Variants in LRRTM4 observed in about 807,000 individuals in gnomAD.
The protein encoded by LRRTM4 is leucine rich repeat transmembrane neuronal 4.
LRRTM4 carries 25 observed loss-of-function variants against 47.6 expected under a neutral mutation model. The ratio of observed to expected loss-of-function variants is 0.53; its 90% CI spans 0.38 to 0.73. The LOEUF (loss-of-function observed/expected upper bound fraction) is 0.73. LRRTM4 is among the 30% of genes least tolerant of loss of function. The pLI is 0.00. For synonymous variants in LRRTM4, 311 were observed against 269.5 expected, an observed-to-expected ratio of 1.15 and a Z score of -1.51; for missense variants, 638 against 713.4, an observed-to-expected ratio of 0.89 and a Z score of 1.20.
In LRRTM4 at chr2:77,137,040, G is replaced by A. The variant is rs1558598842; in HGVS notation, c.1551+381278C>T. Among the ~76,000 whole-genome samples the A allele has an allele frequency of 2.6e-5, 4 of 151,892 alleles. 1 individual carries two copies. Among genetic ancestry groups the A allele is most frequent in the African/African-American group, 9.7e-5 (4 of 41,182 alleles). ...GTGACAGGGAGAATGGAACCAAGGT[G>A]GAAAACACTCTGCAAGATATTATCC... On this transcript the variant is annotated intron_variant, in intron 3 of 3. Transcript: ENST00000409884.
At chr2:77,032,664 G>A (rs1290910456) in intron 3 of LRRTM4, among the ~76,000 whole-genome samples, 1 of 152,056 alleles carries the variant, frequency 6.6e-6, no homozygotes, top group African/African-American at 2.4e-5. Context: ...ATTAATATAT[G>A]TTTTATAGTC....
At chr2:77,500,594 TCTC>T (rs1193385155) in intron 3 of LRRTM4, among the ~76,000 whole-genome samples, 1 of 151,604 alleles carries the variant, frequency 6.6e-6, no homozygotes, top group Non-Finnish European at 1.5e-5. Context: ...ATTGTAGTAT[TCTC>T]CTGCACACTT....
At chr2:76,750,786 T>C (rs1300018133) in intron 3 of LRRTM4, among the ~76,000 whole-genome samples, 1 of 152,206 alleles carries the variant, frequency 6.6e-6, no homozygotes, top group African/African-American at 2.4e-5. Flanking sequence ...TAATACAACG[T>C]TGACACAAAT....
intron 3 of LRRTM4, among the ~76,000 whole-genome samples, chr2:76,879,679 A>C (rs1033654676): frequency 6.6e-6 from 1 of 152,220 alleles, no homozygotes; most frequent in Non-Finnish European, 1.5e-5. Context: ...ATACTGCTTA[A>C]GAAATATATT....
intron 3 of LRRTM4, among the ~76,000 whole-genome samples, chr2:76,999,053 T>C (rs1158821486): frequency 1.3e-5 from 2 of 152,104 alleles, no homozygotes; most frequent in Admixed American, 6.6e-5. Context: ...TTTGACTTCA[T>C]AGATGGTTGT....
At chr2:77,009,547 C>A (rs1212118347) in intron 3 of LRRTM4, 1 of 152,076 alleles carries the variant, frequency 6.6e-6, no homozygotes, top group Non-Finnish European at 1.5e-5. Flanking sequence ...GGTATGGTTC[C>A]TTCACACTTG....
At chr2:77,079,108 G>A (rs1045326197) in intron 3 of LRRTM4, among the ~76,000 whole-genome samples, 1 of 152,144 alleles carries the variant, frequency 6.6e-6, no homozygotes, top group Non-Finnish European at 1.5e-5. Flanking sequence ...TATGAATTTT[G>A]GGGGATACAA....
intron 3 of LRRTM4, among the ~76,000 whole-genome samples, chr2:76,866,947 T>C (rs1672486203): frequency 6.6e-6 from 1 of 152,064 alleles, no homozygotes. Context: ...GAAACTATCA[T>C]CCTCAGCAAA....
At chr2:77,440,824 T>G (rs967556395) in intron 3 of LRRTM4, among the ~76,000 whole-genome samples, 2 of 152,232 alleles carry the variant, frequency 1.3e-5, no homozygotes, top group South Asian at 4.1e-4. Context: ...AGTTTAGATA[T>G]ATTTACTTCT....
intron 3 of LRRTM4, among the ~76,000 whole-genome samples, chr2:77,170,938 TTATGTATTA>T (rs1553402785): frequency 1.0e-4 from 10 of 98,906 alleles, no homozygotes; most frequent in Non-Finnish European, 2.0e-4. Flanking sequence ...AAAGCTATAT[TTATGTATTA>T]TATGTATTAT....
At chr2:76,905,557 G>A (rs1180178622) in intron 3 of LRRTM4, among the ~76,000 whole-genome samples, 1 of 151,920 alleles carries the variant, frequency 6.6e-6, no homozygotes, top group Non-Finnish European at 1.5e-5. Flanking sequence ...ACGAGCTACA[G>A]GAGGAAATTC....
chr2:76,788,646 G>A (rs1003156725), intron 3 of LRRTM4, among the ~76,000 whole-genome samples: 1 of 152,118 alleles, frequency 6.6e-6, no homozygotes, highest in Non-Finnish European at 1.5e-5. Context: ...CTTTTTAAAG[G>A]TAATCATAAG....
chr2:76,992,973 C>G (rs1355023067), intron 3 of LRRTM4, among the ~76,000 whole-genome samples: 1 of 151,648 alleles, frequency 6.6e-6, no homozygotes, highest in East Asian at 1.9e-4. Context: ...AAAGCCCACA[C>G]CTACAACCAT....
intron 3 of LRRTM4, among the ~76,000 whole-genome samples, chr2:77,338,757 C>A (rs1573276738): frequency 6.6e-6 from 1 of 151,808 alleles, no homozygotes; most frequent in Non-Finnish European, 1.5e-5. Flanking sequence ...AAGTATATAC[C>A]CAAATGAAAA....
chr2:77,116,672 C>T (rs1262374347), intron 3 of LRRTM4, among the ~76,000 whole-genome samples: 1 of 152,098 alleles, frequency 6.6e-6, no homozygotes. Context: ...TGACAAGATT[C>T]AGCACTCTTT....
chr2:76,838,805 CAA>C (rs1366804064), intron 3 of LRRTM4, among the ~76,000 whole-genome samples: 4 of 152,050 alleles, frequency 2.6e-5, no homozygotes, highest in Non-Finnish European at 1.5e-5. Flanking sequence ...TGGATGGACT[CAA>C]AGAGCTAGAT....
chr2:77,318,687 A>C (rs1271364099), intron 3 of LRRTM4, among the ~76,000 whole-genome samples: 2 of 152,214 alleles, frequency 1.3e-5, no homozygotes, highest in African/African-American at 4.8e-5. Context: ...TTTTATTTGC[A>C]TACAAAAGTG....
intron 3 of LRRTM4, among the ~76,000 whole-genome samples, chr2:76,795,231 G>C (rs1424489670): frequency 2.8e-5 from 4 of 143,386 alleles, no homozygotes; most frequent in Admixed American, 2.7e-4. Context: ...AATGAAAAGT[G>C]TGTTTTGTAC....
At chr2:76,760,540 C>A (rs1673215934) in intron 3 of LRRTM4, among the ~76,000 whole-genome samples, 1 of 152,014 alleles carries the variant, frequency 6.6e-6, no homozygotes, top group Non-Finnish European at 1.5e-5. Flanking sequence ...TCTGCTACTG[C>A]TACCCTGGTA....
Sources: gnomAD v4.1 joint callset for allele counts (sites outside exome capture counted in the v4.1 genomes callset) on GRCh38, gnomAD v4.1.1 for gene constraint, MANE v1.5 for transcripts, NCBI Gene and HGNC (gene_info 2026-07-23, HGNC 2026-07-21) for gene names.